Variants in PTPRM observed in about 807,000 individuals in gnomAD.
PTPRM encodes protein tyrosine phosphatase receptor type M, also known as receptor-type tyrosine-protein phosphatase mu.
A neutral mutation model predicts 186.7 loss-of-function variants in PTPRM; 47 were observed. That is an observed-to-expected ratio of 0.25 (90% CI 0.20 to 0.32). The LOEUF is 0.32. Ranked by LOEUF, PTPRM falls within the 10% of genes least tolerant of loss-of-function variation. The pLI is 1.00. For synonymous variants in PTPRM, 668 were observed against 674.9 expected (o/e 0.99, Z 0.16); for missense variants, 1,494 against 1,865.0 (o/e 0.80, Z 3.66).
At chr18:8,327,629 A>G (rs538281365) in intron 22 of PTPRM, among the ~76,000 whole-genome samples, 1 of 152,194 alleles carries the variant, frequency 6.6e-6, no homozygotes, top group African/African-American at 2.4e-5. Context: ...GGTAGAGAGG[A>G]TGGCTCATGT....
chr18:7,663,602 C>T (rs1249683274), intron 1 of PTPRM, among the ~76,000 whole-genome samples: 14 of 152,212 alleles, frequency 9.2e-5, no homozygotes, highest in Non-Finnish European at 1.6e-4. Flanking sequence ...AGGCTTGTCT[C>T]AGCTTCACAG....
chr18:8,131,691 A>G (rs2092513032), intron 13 of PTPRM, among the ~76,000 whole-genome samples: 1 of 152,224 alleles, frequency 6.6e-6, no homozygotes, highest in South Asian at 2.1e-4. Flanking sequence ...TAGATATCTT[A>G]TGTAATAACC....
chr18:7,756,767 A>G (rs1349926132), intron 1 of PTPRM, among the ~76,000 whole-genome samples: 1 of 152,156 alleles, frequency 6.6e-6, no homozygotes, highest in Non-Finnish European at 1.5e-5. Flanking sequence ...CTCTGGCATC[A>G]TCTGCTCTGG....
intron 14 of PTPRM, among the ~76,000 whole-genome samples, chr18:8,207,585 T>A (rs1374069048): frequency 6.6e-6 from 1 of 152,174 alleles, no homozygotes; most frequent in African/African-American, 2.4e-5. Context: ...AATCCAAATG[T>A]CATTTAAAAT....
chr18:8,053,349 T>C (rs1207647873), intron 7 of PTPRM, among the ~76,000 whole-genome samples: 1 of 152,222 alleles, frequency 6.6e-6, no homozygotes, highest in Non-Finnish European at 1.5e-5. Flanking sequence ...CTACATTCTT[T>C]AATTTAAAAA....
At chr18:8,352,699 TCTCA>T (rs1226039829) in intron 23 of PTPRM, among the ~76,000 whole-genome samples, 1 of 148,820 alleles carries the variant, frequency 6.7e-6, no homozygotes, top group East Asian at 2.0e-4. Flanking sequence ...TGAGATGGAG[TCTCA>T]CTCTGTCACC....
At chr18:7,657,668 A>C (rs903780936) in intron 1 of PTPRM, among the ~76,000 whole-genome samples, 6 of 152,222 alleles carry the variant, frequency 3.9e-5, no homozygotes, top group Admixed American at 6.5e-5. Context: ...TTAATTGTAC[A>C]CTGGCCTTGT....
intron 7 of PTPRM, among the ~76,000 whole-genome samples, chr18:8,031,702 A>G (rs975826902): frequency 6.6e-6 from 1 of 152,176 alleles, no homozygotes; most frequent in East Asian, 1.9e-4. Context: ...GACTCTGCCA[A>G]GTGTCCAGCA....
intron 4 of PTPRM, 104 bp downstream of exon 4, chr18:7,906,687 A>G (rs2050002666): frequency 1.1e-6 from 1 of 933,430 alleles, no homozygotes; most frequent in Non-Finnish European, 1.7e-6. Flanking sequence ...CATCTTGCCA[A>G]GACAGTTCCC....
At chr18:7,687,803 G>A (rs1258914833) in intron 1 of PTPRM, among the ~76,000 whole-genome samples, 6 of 149,632 alleles carry the variant, frequency 4.0e-5, no homozygotes, top group Admixed American at 6.6e-5. Flanking sequence ...TTTTAAGACG[G>A]AGTCTCACTG....
At chr18:7,613,928 A>G (rs555391885) in intron 1 of PTPRM, among the ~76,000 whole-genome samples, 2 of 152,342 alleles carry the variant, frequency 1.3e-5, no homozygotes, top group East Asian at 3.9e-4. Context: ...TTTCCTTATA[A>G]GGCTTAACAT....
chr18:7,949,624 G>T (rs80342103), intron 6 of PTPRM, among the ~76,000 whole-genome samples: 4,398 of 152,198 alleles, frequency 0.029, 215 homozygotes, highest in African/African-American at 0.1. Context: ...TATATACAGA[G>T]ATTACAACTT....
intron 1 of PTPRM, among the ~76,000 whole-genome samples, chr18:7,719,350 A>G (rs758952160): frequency 1.4e-5 from 2 of 145,330 alleles, no homozygotes; most frequent in Non-Finnish European, 3.0e-5. Context: ...ATGCAAAGGC[A>G]TGAGAGTGAT....
At chr18:7,894,839 C>G (rs1010557749) in intron 3 of PTPRM, among the ~76,000 whole-genome samples, 4 of 152,072 alleles carry the variant, frequency 2.6e-5, no homozygotes, top group African/African-American at 9.7e-5. Flanking sequence ...GACACCACCT[C>G]TACAATTATT....
intron 14 of PTPRM, among the ~76,000 whole-genome samples, chr18:8,208,176 G>A (rs1284877353): frequency 6.6e-6 from 1 of 152,184 alleles, no homozygotes; most frequent in Non-Finnish European, 1.5e-5. Flanking sequence ...CTCCTGTGCA[G>A]CCACGCCACT....
At chr18:7,770,575 G>T (rs1411039900) in intron 1 of PTPRM, among the ~76,000 whole-genome samples, 1 of 152,156 alleles carries the variant, frequency 6.6e-6, no homozygotes, top group Non-Finnish European at 1.5e-5. Context: ...ACCATGTGAG[G>T]TACATGTTAT....
chr18:8,397,924 A>G (rs1021808670), intron 32 of PTPRM, among the ~76,000 whole-genome samples: 1 of 152,210 alleles, frequency 6.6e-6, no homozygotes, highest in Non-Finnish European at 1.5e-5. Context: ...AGCCTAGTGC[A>G]CTGCCCAGGA....
chr18:7,811,814 G>T (rs2044533322), intron 2 of PTPRM, among the ~76,000 whole-genome samples: 1 of 152,078 alleles, frequency 6.6e-6, no homozygotes, highest in African/African-American at 2.4e-5. Context: ...AGTGTTGTTG[G>T]GCAATTATAA....
At chr18:7,973,527 C>A (rs1182420911) in intron 7 of PTPRM, among the ~76,000 whole-genome samples, 4 of 152,142 alleles carry the variant, frequency 2.6e-5, no homozygotes, top group Non-Finnish European at 5.9e-5. Flanking sequence ...TTGTCCATTT[C>A]TGTCCTTAGG....
Sources: gnomAD v4.1 joint callset for allele counts (sites outside exome capture counted in the v4.1 genomes callset) on GRCh38, gnomAD v4.1.1 for gene constraint, MANE v1.5 for transcripts, NCBI Gene and HGNC (gene_info 2026-07-23, HGNC 2026-07-21) for gene names.